CUBN: variants seen among roughly 807,000 people sequenced by gnomAD.
CUBN encodes the protein cubilin, also known as 460 kDa receptor.
In CUBN, 282 loss-of-function variants were observed where a neutral mutation model predicts 405.3. The ratio of observed to expected loss-of-function variants is 0.70; its 90% CI spans 0.63 to 0.77. The LOEUF (loss-of-function observed/expected upper bound fraction) is 0.77, where lower values mean the gene tolerates loss of function less well. Ranked by LOEUF, CUBN falls within the 30% of genes least tolerant of loss-of-function variation. The pLI, the probability that CUBN is intolerant of heterozygous loss-of-function variation, is 0.00. For synonymous variants in CUBN, 1,684 were observed against 1,617.0 expected (o/e 1.04, Z -0.99); for missense variants, 4,514 against 4,475.2 (o/e 1.01, Z -0.25).
chr10:16,933,268 G>T lies in CUBN; in HGVS notation c.5943C>A (p.Phe1981Leu), dbSNP rs1842413628. The change falls in exon 40 of 67, where the codon TTC becomes TTA. Residue 1981 changes from phenylalanine to leucine, a missense_variant. Phe to Leu is a conservative substitution (Grantham distance 22, BLOSUM62 0). Coordinates refer to ENST00000377833, the MANE Select transcript of CUBN (RefSeq NM_001081.4). ...ACACGGGTGCATCTCCCGTCCTCAGGAAGCCACCACAAGCACCTGTAGAAT... is the reference window on the plus strand; with the variant it reads ...ACACGGGTGCATCTCCCGTCCTCAGTAAGCCACCACAAGCACCTGTAGAAT... Reference protein sequence around the residue: ...PTIAPGACGGFLRTGDAPVFL... With the variant: ...PTIAPGACGGLLRTGDAPVFL... The T allele has an allele frequency of 2.5e-6, 4 of 1,613,596 alleles. No homozygotes were observed. In the African/African-American group the frequency reaches 4.0e-5, roughly 16 times the overall value.
At chr10:17,128,983 A>G (rs1279191590) in intron 2 of CUBN, 138 bp downstream of exon 2, 2 of 659,754 alleles carry the variant, frequency 3.0e-6, no homozygotes, top group Non-Finnish European at 5.0e-6. Flanking sequence ...TTTACACATT[A>G]TAGGAATGTA....
chr10:17,059,734 T>G (rs1467638423), intron 22 of CUBN, among the ~76,000 whole-genome samples: 3 of 152,214 alleles, frequency 2.0e-5, no homozygotes, highest in Non-Finnish European at 4.4e-5. Flanking sequence ...ACTCAACATT[T>G]TGCTACAATT....
chr10:17,018,081 C>T (rs1488680759), intron 28 of CUBN, among the ~76,000 whole-genome samples: 2 of 152,142 alleles, frequency 1.3e-5, no homozygotes, highest in East Asian at 1.9e-4. Flanking sequence ...GGCCAACCAA[C>T]GCTCCCAACT....
intron 31 of CUBN, among the ~76,000 whole-genome samples, chr10:16,963,029 G>A (rs1024919043): frequency 6.6e-6 from 1 of 151,984 alleles, no homozygotes; most frequent in Admixed American, 6.6e-5. Context: ...AAAAATGAGG[G>A]TAGGTAAACT....
chr10:16,907,462 A>G, intron 49 of CUBN, 46 bp downstream of exon 49: 2 of 1,583,084 alleles, frequency 1.3e-6, no homozygotes, highest in Non-Finnish European at 1.7e-6. Flanking sequence ...GGGCATCTGC[A>G]GTGCCCCTGA....
chr10:16,850,259 G>A (rs946877562), intron 60 of CUBN, among the ~76,000 whole-genome samples: 5 of 152,146 alleles, frequency 3.3e-5, no homozygotes, highest in Admixed American at 2.6e-4. Flanking sequence ...TAATTTGCAT[G>A]TGTCATCCCA....
intron 29 of CUBN, among the ~76,000 whole-genome samples, chr10:16,989,590 T>TATAC (rs150800534): frequency 0.44 from 65,273 of 147,044 alleles, 15,793 homozygotes; most frequent in Non-Finnish European, 0.55. Flanking sequence ...TATATATATA[T>TATAC]ACACACACAC....
chr10:16,935,527 T>C (rs1173115364), intron 39 of CUBN, among the ~76,000 whole-genome samples: 1 of 152,136 alleles, frequency 6.6e-6, no homozygotes, highest in Non-Finnish European at 1.5e-5. Context: ...AGTGTATCCA[T>C]AATAAATTCT....
chr10:16,895,299 T>C (rs1210207134), intron 54 of CUBN, among the ~76,000 whole-genome samples: 2 of 152,084 alleles, frequency 1.3e-5, no homozygotes, highest in African/African-American at 2.4e-5. Context: ...TTGTGTATTC[T>C]GATGTTGCTG....
chr10:16,872,299 T>G (rs1049324215), intron 58 of CUBN, among the ~76,000 whole-genome samples: 9 of 151,160 alleles, frequency 6.0e-5, no homozygotes, highest in Non-Finnish European at 1.0e-4. Flanking sequence ...TATGGTGAGC[T>G]CCAGGATCCA....
intron 4 of CUBN, among the ~76,000 whole-genome samples, chr10:17,126,004 CCTT>C (rs1197520397): frequency 1.1e-4 from 16 of 152,116 alleles, no homozygotes; most frequent in Non-Finnish European, 1.5e-4. Context: ...CTGCATGAGT[CCTT>C]TTTTTTGTAT....
At position 16,858,234 on chromosome 10, in the gene CUBN, T is replaced by C. The variant is rs140715378; in HGVS notation, c.9455-6791A>G. Among the ~76,000 whole-genome samples, 1,519 of 152,326 alleles carry C rather than the reference T, an allele frequency of 1.0e-2. 22 individuals carry two copies. Among genetic ancestry groups the C allele is most frequent in the African/African-American group, 0.035 (1,443 of 41,570 alleles). On this transcript the variant is annotated intron_variant, in intron 59 of 66. Transcript: ENST00000377833. ...AGTAAAGACATCAGTTTTCCCCAAA[T>C]TGATGGATAGATTTAATGCAATTCC...
chr10:17,102,801 A>G (rs917124777), intron 13 of CUBN, among the ~76,000 whole-genome samples: 1 of 151,546 alleles, frequency 6.6e-6, no homozygotes, highest in Non-Finnish European at 1.5e-5. Context: ...TATTTTTAGT[A>G]GAGACAGGGT....
At chr10:17,052,736 G>A (rs1269949999) in intron 22 of CUBN, among the ~76,000 whole-genome samples, 1 of 119,386 alleles carries the variant, frequency 8.4e-6, no homozygotes, top group East Asian at 2.7e-4. Flanking sequence ...CTCCAGCCTG[G>A]GCAACAGACT....
rs1839778593 is a variant in CUBN, at chr10:16,853,512, G to A, written c.9455-2069C>T. On this transcript the variant is annotated intron_variant, in intron 59 of 66. Transcript: ENST00000377833. ...AATGGATAGATAGCAAACGTGCAGG[G>A]TGATTTTTGTTACAGGCACATTACT... 2.0e-5 allele frequency among the ~76,000 whole-genome samples: 3 copies of A among 152,332 alleles called. No homozygotes were observed. In the South Asian group the frequency reaches 6.2e-4, roughly 32 times the overall value.
At chr10:16,961,703 C>T (rs1326920634) in intron 31 of CUBN, among the ~76,000 whole-genome samples, 3 of 128,158 alleles carry the variant, frequency 2.3e-5, no homozygotes, top group African/African-American at 8.8e-5. Context: ...AAAAGCAATC[C>T]CTTTTTTTTT....
At chr10:16,983,236 T>C (rs1833327436) in intron 30 of CUBN, among the ~76,000 whole-genome samples, 2 of 152,152 alleles carry the variant, frequency 1.3e-5, no homozygotes, top group Non-Finnish European at 1.5e-5. Context: ...TAATGGAGAA[T>C]CATTCAGGGG....
chr10:16,891,707 C>G (rs2131402523), intron 54 of CUBN, among the ~76,000 whole-genome samples: 1 of 118,074 alleles, frequency 8.5e-6, no homozygotes, highest in East Asian at 2.6e-4. Context: ...ATATACAAAA[C>G]TTGGGGGAAA....
At chr10:16,877,199 T>G in intron 56 of CUBN, 102 bp from the exon 57 acceptor site, 11 of 958,160 alleles carry the variant, frequency 1.1e-5, no homozygotes, top group Non-Finnish European at 1.6e-5. Context: ...ATGCAATTGC[T>G]ATAAAAATTA....
Sources: gnomAD v4.1 joint callset for allele counts (sites outside exome capture counted in the v4.1 genomes callset) on GRCh38, gnomAD v4.1.1 for gene constraint, MANE v1.5 for transcripts, NCBI Gene and HGNC (gene_info 2026-07-23, HGNC 2026-07-21) for gene names.